ADGRB3: variants seen among roughly 807,000 people sequenced by gnomAD.
ADGRB3 encodes brain-specific angiogenesis inhibitor 3.
Under a neutral mutation model 193.4 loss-of-function variants are expected in ADGRB3, and 37 were observed. The ratio of observed to expected loss-of-function variants is 0.19; its 90% CI spans 0.15 to 0.25. The LOEUF is 0.25. ADGRB3 is among the 10% of genes least tolerant of loss of function. The pLI is 1.00. For missense variants in ADGRB3, 1,637 were observed against 1,852.9 expected (o/e 0.88, Z 2.14); for synonymous variants, 690 against 644.2 (o/e 1.07, Z -1.08).
intron 3 of ADGRB3, among the ~76,000 whole-genome samples, chr6:68,684,570 T>G (rs1764949909): frequency 6.6e-6 from 1 of 152,118 alleles, no homozygotes; most frequent in Non-Finnish European, 1.5e-5. Flanking sequence ...TACTTTTAAT[T>G]AGGCCCTCTT....
At chr6:69,181,065 A>G (rs2150351399) in intron 17 of ADGRB3, among the ~76,000 whole-genome samples, 1 of 152,300 alleles carries the variant, frequency 6.6e-6, no homozygotes, top group East Asian at 1.9e-4. Context: ...AGTGAGTCAC[A>G]GAGGGCTCTC....
rs556475345 is a variant in ADGRB3, at chr6:68,677,664, C to T, written c.757+38232C>T. Among the ~76,000 whole-genome samples, 34 of 151,764 alleles carry T rather than the reference C, an allele frequency of 2.2e-4. No homozygotes were observed. In the South Asian group the frequency reaches 6.5e-3, roughly 29 times the overall value. Reference sequence around the variant, plus strand: ...TCCTGAGTAGCTGGGACGACAGACGCGCACCAACACACTGGGCGAATTTTT... The same window carrying T: ...TCCTGAGTAGCTGGGACGACAGACGTGCACCAACACACTGGGCGAATTTTT... On this transcript the variant is annotated intron_variant, in intron 3 of 31. Coordinates refer to ENST00000370598, the MANE Select transcript of ADGRB3 (RefSeq NM_001704.3).
At chr6:68,779,723 A>G (rs752949474) in intron 3 of ADGRB3, among the ~76,000 whole-genome samples, 2 of 152,132 alleles carry the variant, frequency 1.3e-5, no homozygotes, top group Non-Finnish European at 2.9e-5. Context: ...AGAGAGGCTA[A>G]GAATTTTCTG....
chr6:68,656,596 G>T (rs1459974186), intron 3 of ADGRB3, among the ~76,000 whole-genome samples: 1 of 151,516 alleles, frequency 6.6e-6, no homozygotes, highest in East Asian at 1.9e-4. Flanking sequence ...TGAAATAATG[G>T]TCCAGTCCTT....
intron 3 of ADGRB3, among the ~76,000 whole-genome samples, chr6:68,666,847 G>T (rs187277332): frequency 6.6e-6 from 1 of 151,758 alleles, no homozygotes; most frequent in Non-Finnish European, 1.5e-5. Flanking sequence ...TGGAATTTTA[G>T]TGGCCAATGA....
intron 17 of ADGRB3, among the ~76,000 whole-genome samples, chr6:69,123,594 A>G (rs1773776667): frequency 6.6e-6 from 1 of 152,232 alleles, no homozygotes; most frequent in Non-Finnish European, 1.5e-5. Flanking sequence ...AAGATAAAGC[A>G]GGAGAGAAAC....
At chr6:68,700,358 C>G (rs12200060) in intron 3 of ADGRB3, among the ~76,000 whole-genome samples, 15,359 of 151,934 alleles carry the variant, frequency 0.1, 1,025 homozygotes, top group Middle Eastern at 0.27. Flanking sequence ...TTTCAAAACA[C>G]CTTTTTTTTT....
intron 17 of ADGRB3, among the ~76,000 whole-genome samples, chr6:69,197,173 T>C (rs900368504): frequency 6.6e-6 from 1 of 152,142 alleles, no homozygotes; most frequent in Non-Finnish European, 1.5e-5. Context: ...TATTTTAGTC[T>C]AAATTGAACT....
chr6:69,188,616 CT>C (rs551064833), intron 17 of ADGRB3, among the ~76,000 whole-genome samples: 3 of 152,132 alleles, frequency 2.0e-5, no homozygotes, highest in East Asian at 1.9e-4. Flanking sequence ...GCCCTGGAAT[CT>C]TTTTTTACTA....
intron 28 of ADGRB3, among the ~76,000 whole-genome samples, chr6:69,357,904 G>T (rs1769368893): frequency 1.3e-5 from 2 of 151,844 alleles, no homozygotes; most frequent in Non-Finnish European, 2.9e-5. Context: ...TTGTCACTGT[G>T]CTCCATCCAC....
intron 3 of ADGRB3, among the ~76,000 whole-genome samples, chr6:68,725,131 C>T (rs918314877): frequency 1.3e-5 from 2 of 151,564 alleles, no homozygotes; most frequent in Admixed American, 1.3e-4. Flanking sequence ...CATTTTGTAG[C>T]GTGAGCATGC....
At chr6:68,861,708 T>C (rs566844055) in intron 3 of ADGRB3, among the ~76,000 whole-genome samples, 4 of 152,236 alleles carry the variant, frequency 2.6e-5, no homozygotes, top group Non-Finnish European at 5.9e-5. Flanking sequence ...TCTTTTTGGA[T>C]GGAGTCCTGT....
intron 17 of ADGRB3, among the ~76,000 whole-genome samples, chr6:69,186,196 A>C (rs886520303): frequency 2.0e-5 from 3 of 151,882 alleles, no homozygotes; most frequent in Admixed American, 6.6e-5. Flanking sequence ...AAAAAAAAAA[A>C]AATTGTCAAT....
chr6:69,240,151 G>T (rs1454392558), intron 20 of ADGRB3, among the ~76,000 whole-genome samples: 1 of 152,004 alleles, frequency 6.6e-6, no homozygotes, highest in African/African-American at 2.4e-5. Flanking sequence ...TGGATAGTCT[G>T]TTTATTTTGC....
intron 14 of ADGRB3, among the ~76,000 whole-genome samples, chr6:69,048,545 T>C (rs1329212318): frequency 6.6e-6 from 1 of 152,110 alleles, no homozygotes; most frequent in Admixed American, 6.6e-5. Context: ...GTATGAAAAA[T>C]ATACAAGTGC....
At chr6:69,194,751 G>A (rs1176395685) in intron 17 of ADGRB3, among the ~76,000 whole-genome samples, 5 of 152,048 alleles carry the variant, frequency 3.3e-5, no homozygotes. Context: ...TAAGAGTGGA[G>A]CCTCCAGGGC....
intron 8 of ADGRB3, among the ~76,000 whole-genome samples, chr6:68,967,805 G>C (rs1396211316): frequency 6.6e-6 from 1 of 152,130 alleles, no homozygotes; most frequent in African/African-American, 2.4e-5. Flanking sequence ...GGGTGGGAGT[G>C]TTTGAGGGGC....
At chr6:69,047,807 T>G (rs1052870905) in intron 13 of ADGRB3, among the ~76,000 whole-genome samples, 4 of 152,170 alleles carry the variant, frequency 2.6e-5, no homozygotes, top group African/African-American at 9.7e-5. Flanking sequence ...AAATGCAAAT[T>G]TCAATCCATT....
At chr6:69,008,711 C>T (rs1040338820) in intron 11 of ADGRB3, among the ~76,000 whole-genome samples, 4 of 152,036 alleles carry the variant, frequency 2.6e-5, no homozygotes, top group African/African-American at 9.7e-5. Flanking sequence ...AGGCCCATTC[C>T]TTGCTTGTTG....
Sources: gnomAD v4.1 joint callset for allele counts (sites outside exome capture counted in the v4.1 genomes callset) on GRCh38, gnomAD v4.1.1 for gene constraint, MANE v1.5 for transcripts, NCBI Gene and HGNC (gene_info 2026-07-23, HGNC 2026-07-21) for gene names.